The following CCT4 variants were observed in gnomAD, a reference collection of about 807,000 sequenced individuals.
CCT4 encodes the protein chaperonin containing TCP1 subunit 4.
Under a neutral mutation model 62.5 loss-of-function variants are expected in CCT4, and 17 were observed. The observed-to-expected ratio is 0.27, with a 90% CI of 0.19 to 0.41. The LOEUF is 0.41. Among genes scored for constraint, CCT4 ranks in the 10% least tolerant of loss-of-function variants. CCT4 has a pLI of 1.00. For missense variants in CCT4, 592 were observed against 659.2 expected, an observed-to-expected ratio of 0.90 and a Z score of 1.12; for synonymous variants, 250 against 229.9, an observed-to-expected ratio of 1.09 and a Z score of -0.79.
intron 11 of CCT4, 31 bp from the exon 12 acceptor site, chr2:61,872,347 T>G: frequency 6.7e-7 from 1 of 1,501,088 alleles, no homozygotes; most frequent in East Asian, 2.4e-5. Context: ...TTTAGCTTAT[T>G]TTATCCAAAA....
In CCT4 at chr2:61,880,408, A is replaced by G. The variant is rs367935956; in HGVS notation, c.271-14T>C. ...CAGCTCCACCAGCTAAGTGAACAGA[A>G]AATGCCAAGTTGCTCAATGAGAAAT... On this transcript the variant is annotated splice_polypyrimidine_tract_variant and intron_variant, in intron 3 of 13. Coordinates refer to ENST00000394440, the MANE Select transcript of CCT4 (RefSeq NM_006430.4). 20 of 1,475,666 alleles carry G rather than the reference A, an allele frequency of 1.4e-5. No individual in the cohort carries two copies. In the African/African-American group the frequency reaches 2.8e-4, roughly 21 times the overall value. The allele number at this position is 1,475,666 out of a possible 1,614,324, so 91.4% of individuals were successfully genotyped here. A position where few individuals can be genotyped will look rare whatever the true frequency, so the allele number is the denominator to read the frequency against.
Position 61,872,324 on chromosome 2 carries a change from TCA to T in CCT4, c.1257-10_1257-9del. 3 of 1,568,316 alleles carry T rather than the reference TCA, an allele frequency of 1.9e-6. No individual in the cohort carries two copies. Among genetic ancestry groups the T allele is most frequent in the Non-Finnish European group, 2.6e-6 (3 of 1,147,870 alleles). ...CCTCCTGCAATAAGAGCCCTGAAATTCACAAATATATTTTTAGCTTATTTTAT... is the reference window on the plus strand; with the variant it reads ...CCTCCTGCAATAAGAGCCCTGAAATTCAAATATATTTTTAGCTTATTTTAT... On this transcript the variant is annotated splice_polypyrimidine_tract_variant and intron_variant, in intron 11 of 13. Coordinates refer to ENST00000394440, the MANE Select transcript of CCT4 (RefSeq NM_006430.4).
At chr2:61,869,911 C>T (rs1353125997) in intron 12 of CCT4, among the ~76,000 whole-genome samples, 4 of 149,880 alleles carry the variant, frequency 2.7e-5, no homozygotes, top group South Asian at 2.2e-4. Flanking sequence ...GGATTACAGG[C>T]GTGAGCCATG....
chr2:61,885,111 C>T (rs1189077328), intron 1 of CCT4, 39 bp from the exon 2 acceptor site: 3 of 1,225,114 alleles, frequency 2.4e-6, no homozygotes, highest in Admixed American at 3.1e-5. Flanking sequence ...CAAATTAGAA[C>T]TTTTTTTTTT....
At chr2:61,883,336 G>C (rs890147198) in intron 3 of CCT4, 123 bp downstream of exon 3, 2 of 567,328 alleles carry the variant, frequency 3.5e-6, no homozygotes, top group African/African-American at 2.0e-5. Context: ...CAGGAGAAAT[G>C]AATCTGGGAG....
At chr2:61,880,491 G>C in intron 3 of CCT4, 97 bp from the exon 4 acceptor site, 1 of 716,750 alleles carries the variant, frequency 1.4e-6, no homozygotes, top group South Asian at 1.7e-5. Context: ...AACAGAATTT[G>C]AAGATGCAAC....
intron 12 of CCT4, among the ~76,000 whole-genome samples, chr2:61,870,057 C>A (rs1421231984): frequency 6.6e-6 from 1 of 151,054 alleles, no homozygotes; most frequent in Non-Finnish European, 1.5e-5. Context: ...GCAGGCAGAT[C>A]ACGAGGTCAG....
At chr2:61,887,517 A>G (rs1319555245) in intron 1 of CCT4, among the ~76,000 whole-genome samples, 7 of 152,120 alleles carry the variant, frequency 4.6e-5, no homozygotes, top group Admixed American at 4.6e-4. Flanking sequence ...CTATTCTCCA[A>G]CCCAAAAGAA....
chr2:61,885,743 ATT>A (rs1314663469), intron 1 of CCT4: 1 of 121,126 alleles, frequency 8.3e-6, no homozygotes, highest in African/African-American at 2.6e-5. Flanking sequence ...GGCAGAATAC[ATT>A]TTGAGGATTC....
chr2:61,884,692 A>C (rs371049693), intron 2 of CCT4, among the ~76,000 whole-genome samples: 26 of 150,540 alleles, frequency 1.7e-4, no homozygotes, highest in African/African-American at 5.4e-4. Flanking sequence ...GCAATGGCAC[A>C]ATCTCAGCTC....
chr2:61,875,858 TG>T lies in CCT4; in HGVS notation c.917+236del, dbSNP rs531171335. On this transcript the variant is annotated intron_variant, in intron 8 of 13. Transcript: ENST00000394440. ...AAATGCTTTTCCTAGACATCTTAAC[TG>T]AACTTATACCATTTTTTCCCTTGGT... is the stretch of plus-strand genomic sequence containing the variant. Among the ~76,000 whole-genome samples the T allele has an allele frequency of 4.6e-5, 7 of 152,334 alleles. No homozygotes were observed. In the South Asian group the frequency reaches 1.5e-3, roughly 32 times the overall value.
At chr2:61,877,260 C>A (rs923143707) in intron 6 of CCT4, 133 bp downstream of exon 6, 6 of 1,011,368 alleles carry the variant, frequency 5.9e-6, no homozygotes, top group Non-Finnish European at 8.6e-6. Flanking sequence ...CATACTAATA[C>A]AAATTCTCAC....
At chr2:61,869,181 A>G (rs1000941535) in intron 13 of CCT4, among the ~76,000 whole-genome samples, 1 of 151,646 alleles carries the variant, frequency 6.6e-6, no homozygotes, top group Non-Finnish European at 1.5e-5. Context: ...AACTTTTAAA[A>G]AAACAATGGC....
intron 10 of CCT4, among the ~76,000 whole-genome samples, chr2:61,872,800 G>T (rs1470660792): frequency 2.3e-4 from 35 of 152,140 alleles, no homozygotes; most frequent in Admixed American, 2.3e-3. Flanking sequence ...GGTGGCAGGC[G>T]CCTGTAGTCC....
chr2:61,881,821 G>C (rs1286864032), intron 3 of CCT4, among the ~76,000 whole-genome samples: 1 of 151,268 alleles, frequency 6.6e-6, no homozygotes, highest in Non-Finnish European at 1.5e-5. Flanking sequence ...TGGATATTTT[G>C]CCTATTCCAG....
At chr2:61,886,465 T>TCA (rs771605509) in intron 1 of CCT4, among the ~76,000 whole-genome samples, 6 of 152,092 alleles carry the variant, frequency 3.9e-5, no homozygotes, top group Non-Finnish European at 8.8e-5. Flanking sequence ...AACTCTCAAA[T>TCA]CATAGCTTTT....
intron 5 of CCT4, among the ~76,000 whole-genome samples, chr2:61,878,667 T>G (rs1359722722): frequency 6.6e-6 from 1 of 152,202 alleles, no homozygotes; most frequent in Non-Finnish European, 1.5e-5. Context: ...GAAATGGATA[T>G]AGTATATATT....
intron 6 of CCT4, 144 bp downstream of exon 6, chr2:61,877,249 C>G: frequency 1.1e-6 from 1 of 912,074 alleles, no homozygotes; most frequent in Non-Finnish European, 1.6e-6. Context: ...CTCCAGATGC[C>G]CATACTAATA....
chr2:61,871,178 T>G (rs918172519), intron 12 of CCT4, among the ~76,000 whole-genome samples: 1 of 151,622 alleles, frequency 6.6e-6, no homozygotes, highest in Non-Finnish European at 1.5e-5. Context: ...ATTACAGATA[T>G]CCGCCACTTC....
Sources: gnomAD v4.1 joint callset for allele counts (sites outside exome capture counted in the v4.1 genomes callset) on GRCh38, gnomAD v4.1.1 for gene constraint, MANE v1.5 for transcripts, NCBI Gene and HGNC (gene_info 2026-07-23, HGNC 2026-07-21) for gene names.